Variants in VWA3B observed in about 807,000 individuals in gnomAD.
VWA3B encodes the protein von Willebrand factor A domain containing 3B.
Under a neutral mutation model 158.3 loss-of-function variants are expected in VWA3B, and 138 were observed. The ratio of observed to expected loss-of-function variants is 0.87; its 90% CI spans 0.76 to 1.00. The LOEUF is 1.00. Ranked by LOEUF, VWA3B falls within the 50% of genes least tolerant of loss-of-function variation. The pLI, the probability that VWA3B is intolerant of heterozygous loss-of-function variation, is 0.00. For missense variants in VWA3B, 1,555 were observed against 1,565.1 expected, an observed-to-expected ratio of 0.99 and a Z score of 0.11; for synonymous variants, 596 against 587.3, an observed-to-expected ratio of 1.01 and a Z score of -0.21.
intron 5 of VWA3B, among the ~76,000 whole-genome samples, chr2:98,127,345 G>A (rs1204566089): frequency 6.6e-6 from 1 of 152,162 alleles, no homozygotes; most frequent in Non-Finnish European, 1.5e-5. Flanking sequence ...AGACACTGAA[G>A]TTAGGTCAGT....
intron 14 of VWA3B, among the ~76,000 whole-genome samples, chr2:98,226,829 A>G (rs2105672114): frequency 6.6e-6 from 1 of 152,302 alleles, no homozygotes; most frequent in Non-Finnish European, 1.5e-5. Context: ...GAGGGTCAAC[A>G]TCGTAAAATT....
chr2:98,101,143 T>G (rs1182851276), intron 2 of VWA3B, among the ~76,000 whole-genome samples: 1 of 152,238 alleles, frequency 6.6e-6, no homozygotes, highest in Admixed American at 6.5e-5. Flanking sequence ...GTGTGAAGTT[T>G]CAGGGAAAAT....
chr2:98,257,431 G>C (rs1425713682), intron 21 of VWA3B, among the ~76,000 whole-genome samples: 1 of 152,054 alleles, frequency 6.6e-6, no homozygotes, highest in East Asian at 1.9e-4. Context: ...TGAGGGTGCA[G>C]GTGTCCCTAT....
chr2:98,137,435 CATA>C (rs761497102), intron 7 of VWA3B, among the ~76,000 whole-genome samples: 3 of 152,028 alleles, frequency 2.0e-5, no homozygotes, highest in Non-Finnish European at 2.9e-5. Context: ...GAAATTTTGA[CATA>C]ATATTTTAAA....
At chr2:98,246,986 A>G (rs977166987) in intron 19 of VWA3B, among the ~76,000 whole-genome samples, 10 of 151,888 alleles carry the variant, frequency 6.6e-5, no homozygotes, top group Non-Finnish European at 1.2e-4. Flanking sequence ...ATTGTTTTAA[A>G]AGTTTTAATG....
intron 2 of VWA3B, among the ~76,000 whole-genome samples, chr2:98,094,330 C>T (rs1480244895): frequency 6.6e-6 from 1 of 152,142 alleles, no homozygotes; most frequent in Non-Finnish European, 1.5e-5. Context: ...GCCATTGTGA[C>T]AGGAGTGAAA....
intron 26 of VWA3B, among the ~76,000 whole-genome samples, chr2:98,309,160 ACT>A (rs1351451605): frequency 1.4e-5 from 2 of 147,388 alleles, no homozygotes; most frequent in Non-Finnish European, 3.0e-5. Flanking sequence ...ACAGAGCGAG[ACT>A]CTGTCAAAAA....
intron 6 of VWA3B, among the ~76,000 whole-genome samples, chr2:98,130,449 T>C (rs1573852491): frequency 6.6e-6 from 1 of 152,296 alleles, no homozygotes; most frequent in South Asian, 2.1e-4. Context: ...GTCAGGTCTT[T>C]CCCTTCCCAC....
At chr2:98,092,816 G>GTGTATATA (rs1185877811) in intron 1 of VWA3B, among the ~76,000 whole-genome samples, 3 of 51,496 alleles carry the variant, frequency 5.8e-5, no homozygotes, top group African/African-American at 1.7e-4. Context: ...AGATGTTTTT[G>GTGTATATA]TATATATATA....
At chr2:98,250,552 A>G in intron 20 of VWA3B, 116 bp downstream of exon 20, 1 of 870,556 alleles carries the variant, frequency 1.1e-6, no homozygotes, top group Non-Finnish European at 1.7e-6. Context: ...CTATTTAAAA[A>G]TTGTTCAGGC....
At chr2:98,312,065 T>C (rs753729114) in intron 27 of VWA3B, 33 bp downstream of exon 27, 9 of 1,594,190 alleles carry the variant, frequency 5.6e-6, no homozygotes, top group Non-Finnish European at 6.8e-6. Flanking sequence ...ACAACATCGC[T>C]TATCTCAGGA....
At chr2:98,200,234 C>T (rs978967326) in intron 12 of VWA3B, among the ~76,000 whole-genome samples, 10 of 152,048 alleles carry the variant, frequency 6.6e-5, no homozygotes, top group African/African-American at 2.4e-4. Flanking sequence ...TCAGGCTGGG[C>T]GCGGATATGG....
chr2:98,232,864 AGAT>A (rs1685429412), intron 16 of VWA3B, among the ~76,000 whole-genome samples: 1 of 152,040 alleles, frequency 6.6e-6, no homozygotes, highest in African/African-American at 2.4e-5. Context: ...CCAGGATGTT[AGAT>A]GTCTCTGAGG....
chr2:98,290,803 G>A, intron 23 of VWA3B, 181 bp downstream of exon 23: 1 of 508,412 alleles, frequency 2.0e-6, no homozygotes, highest in Non-Finnish European at 3.5e-6. Context: ...AGCGTATTTG[G>A]GCCCCCCAAA....
intron 3 of VWA3B, among the ~76,000 whole-genome samples, chr2:98,117,969 T>C (rs1674659032): frequency 6.6e-6 from 1 of 152,130 alleles, no homozygotes; most frequent in African/African-American, 2.4e-5. Context: ...ACTCCTGACC[T>C]CGGGTGATTC....
intron 7 of VWA3B, among the ~76,000 whole-genome samples, chr2:98,144,502 A>T (rs1677020454): frequency 6.6e-6 from 1 of 151,136 alleles, no homozygotes; most frequent in South Asian, 2.1e-4. Flanking sequence ...TCTTCTAGTC[A>T]TTCCTTCGAG....
Position 98,297,089 on chromosome 2 carries a change from T to C in VWA3B, c.3158-818T>C, listed in dbSNP as rs542161944. 9.9e-5 allele frequency among the ~76,000 whole-genome samples: 15 copies of C among 152,130 alleles called. No homozygotes were observed. In the South Asian group the frequency reaches 3.1e-3, roughly 32 times the overall value. ...AAACTTCTTACCTCTTTTTTCATTT[T>C]TTTTTTTTTGAGACATAATTTTGCT... On this transcript the variant is annotated intron_variant, in intron 23 of 27. Transcript: ENST00000477737.
At chr2:98,163,038 G>T in intron 8 of VWA3B, 62 bp downstream of exon 8, 2 of 1,596,600 alleles carry the variant, frequency 1.3e-6, no homozygotes, top group Non-Finnish European at 8.5e-7. Flanking sequence ...TGGGGACCAG[G>T]GGCTGCTTCC....
intron 20 of VWA3B, among the ~76,000 whole-genome samples, chr2:98,251,441 G>T (rs1461813350): frequency 2.0e-5 from 3 of 152,074 alleles, no homozygotes; most frequent in African/African-American, 7.3e-5. Context: ...TCCTTGCTGA[G>T]ACAGGAGACT....
Sources: allele counts gnomAD v4.1 joint callset (sites outside exome capture counted in the v4.1 genomes callset), GRCh38; gene constraint gnomAD v4.1.1; transcripts MANE v1.5; gene names NCBI Gene and HGNC (gene_info 2026-07-23, HGNC 2026-07-21).